The following LRP2 variants were observed in gnomAD, a reference collection of about 807,000 sequenced individuals.
LRP2 encodes LDL receptor related protein 2, also known as low-density lipoprotein receptor-related protein 2.
Under a neutral mutation model 531.0 loss-of-function variants are expected in LRP2, and 172 were observed. The observed-to-expected ratio is 0.32, with a 90% CI of 0.29 to 0.37. The LOEUF (loss-of-function observed/expected upper bound fraction) is 0.37. Among genes scored for constraint, LRP2 ranks in the 10% least tolerant of loss-of-function variants. The pLI is 1.00. For missense variants in LRP2, 5,167 were observed against 5,868.3 expected (o/e 0.88, Z 3.90); for synonymous variants, 1,992 against 2,027.6 (o/e 0.98, Z 0.47).
At chr2:169,171,050 C>A (rs559296989) in intron 58 of LRP2, among the ~76,000 whole-genome samples, 6 of 151,648 alleles carry the variant, frequency 4.0e-5, no homozygotes, top group African/African-American at 1.5e-4. Context: ...TGTGTTCCAC[C>A]ATGCCCAGCT....
chr2:169,308,878 G>C (rs1430869028), intron 3 of LRP2, among the ~76,000 whole-genome samples: 1 of 152,030 alleles, frequency 6.6e-6, no homozygotes, highest in African/African-American at 2.4e-5. Context: ...ATCCTCTCCA[G>C]CACCTGTTGT....
At chr2:169,328,975 G>A (rs1355916796) in intron 1 of LRP2, among the ~76,000 whole-genome samples, 1 of 152,192 alleles carries the variant, frequency 6.6e-6, no homozygotes, top group Non-Finnish European at 1.5e-5. Flanking sequence ...AGGACGACAA[G>A]GCTTGAACAA....
In LRP2 at chr2:169,284,256, CTT is replaced by C. The variant is rs1216987363; in HGVS notation, c.1043-1257_1043-1256del. Among the ~76,000 whole-genome samples the C allele has an allele frequency of 8.1e-4, 78 of 96,640 alleles. 4 individuals carry two copies. Among genetic ancestry groups the C allele is most frequent in the African/African-American group, 3.2e-3 (73 of 22,702 alleles). 63.4% of individuals were successfully genotyped at this position (96,640 alleles called of 152,430 possible). On this transcript the variant is annotated intron_variant, in intron 9 of 78. Coordinates refer to ENST00000649046, the MANE Select transcript of LRP2 (RefSeq NM_004525.3). Reference sequence around the variant, plus strand: ...CTTTTCTTTTCTTTTTCTTTTTTTTCTTTTTTTTTTTTTTTTTTTTTTTTTTG... The same window carrying C: ...CTTTTCTTTTCTTTTTCTTTTTTTTCTTTTTTTTTTTTTTTTTTTTTTTTG...
chr2:169,214,539 G>A (rs1011823479), intron 35 of LRP2, among the ~76,000 whole-genome samples: 7 of 152,004 alleles, frequency 4.6e-5, no homozygotes, highest in African/African-American at 1.2e-4. Flanking sequence ...GGGTATTGGC[G>A]AGAGACACAG....
rs1685933462 is a variant in LRP2 at position 169,146,885 on chromosome 2, A to G, written c.12665T>C (p.Ile4222Thr). ...CCAACCAAGGTCCTCGAAAACCAGGATGTTGCGGTCCTCTCCATTCATCCA... is the reference window on the plus strand; with the variant it reads ...CCAACCAAGGTCCTCGAAAACCAGGGTGTTGCGGTCCTCTCCATTCATCCA... The part of the protein sequence containing the change: ...SAWMNGEDRN[I>T]LVFEDLGWPT... The change falls in exon 69 of 79, where the codon ATC (isoleucine) becomes ACC (threonine). Residue 4222 changes from isoleucine (I) to threonine (T), a missense_variant. This residue lies in a region of LRP2 where 564 missense variants were observed against 747.7 expected (regional missense o/e 0.75). Coordinates refer to ENST00000649046, the MANE Select transcript of LRP2 (RefSeq NM_004525.3). 6.2e-7 allele frequency: 1 copy of G among 1,614,138 alleles called. No individual in the cohort carries two copies. Among genetic ancestry groups the G allele is most frequent in the Non-Finnish European group, 8.5e-7 (1 of 1,180,032 alleles).
chr2:169,203,906 G>T, intron 42 of LRP2, 76 bp downstream of exon 42: 1 of 1,505,536 alleles, frequency 6.6e-7, no homozygotes, highest in Non-Finnish European at 9.2e-7. Flanking sequence ...TCTCCTGTGA[G>T]AACTTCAGCT....
rs557097373 is a variant in LRP2 at position 169,140,356 on chromosome 2, T to G, written c.13199+99A>C. ...GGTTAAAATGTAAGAATTAGTGAACTGGTGAGGTTCCTGTATTTGTTTTCC... is the reference window on the plus strand; with the variant it reads ...GGTTAAAATGTAAGAATTAGTGAACGGGTGAGGTTCCTGTATTTGTTTTCC... On this transcript the variant is annotated intron_variant, in intron 72 of 78. Transcript: ENST00000649046. 3.0e-5 allele frequency: 27 copies of G among 891,238 alleles called. No individual in the cohort carries two copies. In the South Asian group the frequency reaches 3.6e-4, roughly 12 times the overall value. The allele number at this position is 891,238 out of a possible 1,614,324, so 55.2% of individuals were successfully genotyped here.
At chr2:169,287,699 AGTT>A (rs1362493476) in intron 9 of LRP2, among the ~76,000 whole-genome samples, 1 of 151,610 alleles carries the variant, frequency 6.6e-6, no homozygotes, top group Admixed American at 6.6e-5. Flanking sequence ...GGCTATGAGT[AGTT>A]GTTAAGATTA....
chr2:169,299,835 A>C (rs1173898966), intron 4 of LRP2, among the ~76,000 whole-genome samples: 1 of 152,120 alleles, frequency 6.6e-6, no homozygotes, highest in Non-Finnish European at 1.5e-5. Context: ...CAGCATTATA[A>C]GAGTAGCCAC....
At chr2:169,203,937 TG>T in intron 42 of LRP2, 44 bp downstream of exon 42, 3 of 1,598,236 alleles carry the variant, frequency 1.9e-6, no homozygotes, top group Non-Finnish European at 2.6e-6. Context: ...ATTGGTATTG[TG>T]ATCATTATTC....
chr2:169,213,960 C>A, intron 35 of LRP2, 90 bp from the exon 36 acceptor site: 1 of 845,146 alleles, frequency 1.2e-6, no homozygotes, highest in South Asian at 1.4e-5. Flanking sequence ...TATAATGTCT[C>A]ACATTTATAC....
chr2:169,256,847 T>A (rs949310845), intron 18 of LRP2, among the ~76,000 whole-genome samples: 1 of 152,148 alleles, frequency 6.6e-6, no homozygotes, highest in Non-Finnish European at 1.5e-5. Context: ...CTCCCCCATC[T>A]TGAGTTTCCA....
At chr2:169,260,713 A>G (rs932918168) in intron 16 of LRP2, among the ~76,000 whole-genome samples, 2 of 152,058 alleles carry the variant, frequency 1.3e-5, no homozygotes, top group Non-Finnish European at 2.9e-5. Context: ...GCACTATTAT[A>G]AAAGTCTCCC....
At chr2:169,136,030 G>A (rs1289088347) in intron 76 of LRP2, among the ~76,000 whole-genome samples, 3 of 152,002 alleles carry the variant, frequency 2.0e-5, no homozygotes, top group Admixed American at 1.3e-4. Context: ...ACCTCCTTGG[G>A]CACTCTCTAA....
chr2:169,225,320 T>C lies in LRP2; in HGVS notation c.5528A>G (p.Gln1843Arg), dbSNP rs1268545331. Reference sequence around the variant, plus strand: ...TTATGGAATCATTACCTCGATTGACTGAGTTCTAGGATTGGTAGAATAAAG... The same window carrying C: ...TTATGGAATCATTACCTCGATTGACCGAGTTCTAGGATTGGTAGAATAAAG... ...RNLYSTNPRT[Q>R]SIEVLTLHGD... The change falls in exon 33 of 79, where the codon CAG becomes CGG. Residue 1843 changes from glutamine (Q) to arginine (R), a missense_variant. Gln to Arg is a conservative substitution (Grantham distance 43). Coordinates refer to ENST00000649046, the MANE Select transcript of LRP2 (RefSeq NM_004525.3). 6.2e-7 allele frequency: 1 copy of C among 1,613,912 alleles called. No individual in the cohort carries two copies. Among genetic ancestry groups the C allele is most frequent in the Non-Finnish European group, 8.5e-7 (1 of 1,179,838 alleles).
At chr2:169,193,304 G>A (rs1182801415) in intron 47 of LRP2, among the ~76,000 whole-genome samples, 1 of 151,826 alleles carries the variant, frequency 6.6e-6, no homozygotes, top group Non-Finnish European at 1.5e-5. Context: ...ATGGTGGTGG[G>A]CGTATGGTCC....
At chr2:169,147,791 C>T (rs534004592) in intron 68 of LRP2, among the ~76,000 whole-genome samples, 17 of 152,292 alleles carry the variant, frequency 1.1e-4, no homozygotes, top group African/African-American at 4.1e-4. Flanking sequence ...TTGTAAATAT[C>T]AAGTGATGCG....
rs142712531 is a variant in LRP2, at chr2:169,233,518, C to T, written c.4991G>A (p.Arg1664Gln). 19 of 1,613,948 alleles carry T rather than the reference C, an allele frequency of 1.2e-5. No homozygotes were observed. The highest frequency in any genetic ancestry group is 8.3e-5 in the Admixed American group (5 of 59,992). The change falls in exon 30 of 79, where the codon CGG becomes CAG. Residue 1664 changes from arginine (R) to glutamine (Q), a missense_variant. Physicochemically the swap from Arg to Gln is conservative, Grantham distance 43. Coordinates refer to ENST00000649046, the MANE Select transcript of LRP2 (RefSeq NM_004525.3). ...SVYWTDRATR[R>Q]VMRANKWHGG... ...ATGCCACTTGTTGGCTCGCATAACC[C>T]GACGAGTAGCACGGTCAGTCCAGTA...
chr2:169,328,813 A>G lies in LRP2; in HGVS notation c.80-7929T>C, dbSNP rs371484445. Among the ~76,000 whole-genome samples the G allele has an allele frequency of 8.8e-4, 134 of 152,344 alleles. 1 individual carries two copies. In the South Asian group the frequency reaches 0.021, roughly 24 times the overall value. On this transcript the variant is annotated intron_variant, in intron 1 of 78. Coordinates refer to ENST00000649046, the MANE Select transcript of LRP2 (RefSeq NM_004525.3). ...GGACCTGTGTGACTCCAGAGCCTGT[A>G]CTTATTTCATCATTTCATGTCCTGC...
Sources: allele counts gnomAD v4.1 joint callset (sites outside exome capture counted in the v4.1 genomes callset), GRCh38; gene constraint gnomAD v4.1.1; regional missense constraint gnomAD v4.1.1; transcripts MANE v1.5; gene names NCBI Gene and HGNC (gene_info 2026-07-23, HGNC 2026-07-21).